Variants in ADAM23 observed in about 807,000 individuals in gnomAD.
ADAM23 encodes ADAM metallopeptidase domain 23, also known as disintegrin and metalloproteinase domain-containing protein 23.
Under a neutral mutation model 120.1 loss-of-function variants are expected in ADAM23, and 33 were observed. That is an observed-to-expected ratio of 0.27 (90% CI 0.21 to 0.37). The LOEUF is 0.37. Among genes scored for constraint, ADAM23 ranks in the 10% least tolerant of loss-of-function variants. ADAM23 has a pLI of 1.00. For synonymous variants in ADAM23, 367 were observed against 375.2 expected (o/e 0.98, Z 0.25); for missense variants, 862 against 1,058.2 (o/e 0.81, Z 2.57).
At chr2:206,572,692 A>G (rs1698028824) in intron 17 of ADAM23, among the ~76,000 whole-genome samples, 1 of 152,250 alleles carries the variant, frequency 6.6e-6, no homozygotes, top group African/African-American at 2.4e-5. Flanking sequence ...GTCTGTGTTT[A>G]GCAAAAGAAA....
intron 13 of ADAM23, among the ~76,000 whole-genome samples, chr2:206,562,828 C>T (rs1287641969): frequency 1.3e-5 from 2 of 152,206 alleles, no homozygotes; most frequent in African/African-American, 4.8e-5. Flanking sequence ...TAGGATTCTC[C>T]TCTAGTGGCC....
intron 2 of ADAM23, among the ~76,000 whole-genome samples, chr2:206,476,780 T>G (rs1695784028): frequency 6.6e-6 from 1 of 152,154 alleles, no homozygotes; most frequent in Non-Finnish European, 1.5e-5. Flanking sequence ...AGTTGCTCAA[T>G]TTCTACTAAA....
At chr2:206,494,068 C>T (rs1184592779) in intron 3 of ADAM23, among the ~76,000 whole-genome samples, 1 of 152,146 alleles carries the variant, frequency 6.6e-6, no homozygotes, top group Admixed American at 6.6e-5. Context: ...TCACCACGCT[C>T]AAGCTAATTA....
chr2:206,587,988 T>C, intron 19 of ADAM23, 103 bp from the exon 20 acceptor site: 1 of 1,195,264 alleles, frequency 8.4e-7, no homozygotes, highest in South Asian at 1.3e-5. Context: ...GGGTATGAAA[T>C]GAAAAAACTT....
At chr2:206,561,311 T>G in intron 12 of ADAM23, 99 bp downstream of exon 12, 1 of 1,029,922 alleles carries the variant, frequency 9.7e-7, no homozygotes. Context: ...AATGATGACA[T>G]GGCAAATGTA....
intron 1 of ADAM23, among the ~76,000 whole-genome samples, chr2:206,444,767 T>A (rs955710082): frequency 6.6e-6 from 1 of 152,214 alleles, no homozygotes; most frequent in Non-Finnish European, 1.5e-5. Context: ...TGTTTGCTCA[T>A]CTTAAAGTTA....
intron 8 of ADAM23, among the ~76,000 whole-genome samples, chr2:206,549,162 A>T (rs1293320042): frequency 4.0e-5 from 6 of 151,518 alleles, no homozygotes; most frequent in Non-Finnish European, 7.4e-5. Context: ...TGCTGAGTGT[A>T]TTTTTTTTGT....
chr2:206,490,605 A>G (rs1386857465), intron 3 of ADAM23, among the ~76,000 whole-genome samples: 1 of 152,202 alleles, frequency 6.6e-6, no homozygotes, highest in East Asian at 1.9e-4. Flanking sequence ...GCTGTGTGCA[A>G]TATGATGTAG....
In ADAM23 at chr2:206,571,908, A is replaced by T; in HGVS notation, c.1656+92A>T. ...CTGAGCATTTGTGTAGCTTGTCACA[A>T]ATTTCTTGGGTACAGTGTACATATT... On this transcript the variant is annotated intron_variant, in intron 17 of 25. Transcript: ENST00000264377. 5 of 1,157,034 alleles carry T rather than the reference A, an allele frequency of 4.3e-6. No homozygotes were observed. In the South Asian group the frequency reaches 6.5e-5, roughly 15 times the overall value. 71.7% of individuals were successfully genotyped at this position (1,157,034 alleles called of 1,614,324 possible).
At chr2:206,557,313 T>C in intron 9 of ADAM23, 114 bp from the exon 10 acceptor site, 1 of 889,770 alleles carries the variant, frequency 1.1e-6, no homozygotes, top group Non-Finnish European at 1.8e-6. Context: ...AACTAAATTA[T>C]ATATTTTTAA....
At chr2:206,609,850 C>T (rs1698795335) in intron 24 of ADAM23, 60 bp from the exon 25 acceptor site, 16 of 1,419,432 alleles carry the variant, frequency 1.1e-5, no homozygotes, top group Non-Finnish European at 1.5e-5. Flanking sequence ...ACTGCCTTTC[C>T]CTTGTGGTAA....
At position 206,585,096 on chromosome 2, in the gene ADAM23, G is replaced by C. The variant is rs140565966; in HGVS notation, c.1738-2229G>C. Among the ~76,000 whole-genome samples the C allele has an allele frequency of 1.8e-3, 281 of 152,270 alleles. 1 individual carries two copies. The highest frequency in any genetic ancestry group is 6.5e-3 in the African/African-American group (270 of 41,558). ...CTCCTGGGTCCTGCAGGAGCAGTCT[G>C]CTTCCTTCAGAGGGTCTGTAGGTCC... On this transcript the variant is annotated intron_variant, in intron 18 of 25. Transcript: ENST00000264377.
chr2:206,613,052 G>A (rs1164722334), intron 25 of ADAM23, among the ~76,000 whole-genome samples: 9 of 151,804 alleles, frequency 5.9e-5, no homozygotes, highest in Admixed American at 5.9e-4. Flanking sequence ...TAGTAACTTT[G>A]CTTAATTTCT....
chr2:206,456,566 G>A (rs1236305659), intron 2 of ADAM23, among the ~76,000 whole-genome samples: 2 of 152,056 alleles, frequency 1.3e-5, no homozygotes, highest in East Asian at 1.9e-4. Context: ...CAGGCACAGA[G>A]CCAATCATGT....
chr2:206,501,098 A>G (rs2105893602), intron 3 of ADAM23, among the ~76,000 whole-genome samples: 1 of 152,134 alleles, frequency 6.6e-6, no homozygotes, highest in East Asian at 1.9e-4. Flanking sequence ...AGTGAAAACG[A>G]TTACATGTAT....
intron 2 of ADAM23, among the ~76,000 whole-genome samples, chr2:206,471,571 G>T (rs1327464493): frequency 6.6e-6 from 1 of 151,986 alleles, no homozygotes; most frequent in Non-Finnish European, 1.5e-5. Context: ...CATGGTGCTT[G>T]GTGTCTTGCT....
chr2:206,542,838 A>C (rs890033675), intron 5 of ADAM23, among the ~76,000 whole-genome samples: 1 of 152,192 alleles, frequency 6.6e-6, no homozygotes, highest in Admixed American at 6.5e-5. Context: ...GATTATTCTC[A>C]TATATAAAGA....
intron 2 of ADAM23, among the ~76,000 whole-genome samples, chr2:206,474,763 C>A (rs1253537393): frequency 2.0e-5 from 3 of 152,022 alleles, no homozygotes; most frequent in Non-Finnish European, 4.4e-5. Context: ...TTCATAGAGG[C>A]AGGGTTTCAC....
chr2:206,573,077 T>C (rs2105832638), intron 17 of ADAM23, 38 bp from the exon 18 acceptor site: 1 of 1,590,674 alleles, frequency 6.3e-7, no homozygotes, highest in East Asian at 2.2e-5. Flanking sequence ...TGAAATATTA[T>C]GTAATGCTAA....
Sources: gnomAD v4.1 joint callset for allele counts (sites outside exome capture counted in the v4.1 genomes callset) on GRCh38, gnomAD v4.1.1 for gene constraint, MANE v1.5 for transcripts, NCBI Gene and HGNC (gene_info 2026-07-23, HGNC 2026-07-21) for gene names.